The following CRYBG3 variants were observed in gnomAD, a reference collection of about 807,000 sequenced individuals.
The protein encoded by CRYBG3 is very large A-kinase anchor protein.
A neutral mutation model predicts 244.2 loss-of-function variants in CRYBG3; 127 were observed. The observed-to-expected ratio is 0.52, with a 90% CI of 0.45 to 0.60. The LOEUF is 0.60. Ranked by LOEUF, CRYBG3 falls within the 20% of genes least tolerant of loss-of-function variation. The pLI is 0.00. For synonymous variants in CRYBG3, 1,132 were observed against 1,195.8 expected, an observed-to-expected ratio of 0.95 and a Z score of 1.10; for missense variants, 3,325 against 3,442.5, an observed-to-expected ratio of 0.97 and a Z score of 0.85.
Position 97,843,054 on chromosome 3 carries a change from A to G in CRYBG3, c.150-141A>G, listed in dbSNP as rs566830740. The G allele has an allele frequency of 9.5e-5, 51 of 539,254 alleles. 1 individual carries two copies. Among genetic ancestry groups the G allele is most frequent in the Admixed American group, 5.9e-4 (18 of 30,730 alleles). The allele number at this position is 539,254 out of a possible 1,614,324, so 33.4% of individuals were successfully genotyped here. A position where few individuals can be genotyped will look rare whatever the true frequency, so the allele number is the denominator to read the frequency against. On this transcript the variant is annotated intron_variant, in intron 1 of 21. Transcript: ENST00000389622. ...TTTTTGAATTTAGAGATTCAAATCA[A>G]TATATCCTTGGTATAACATGGTGTA... is the stretch of plus-strand genomic sequence containing the variant.
At chr3:97,844,496 T>G (rs939863953) in intron 2 of CRYBG3, among the ~76,000 whole-genome samples, 3 of 152,212 alleles carry the variant, frequency 2.0e-5, no homozygotes, top group African/African-American at 7.2e-5. Context: ...GGTTATCAGC[T>G]TTTGTCATTC....
intron 17 of CRYBG3, among the ~76,000 whole-genome samples, chr3:97,919,829 T>C (rs1442927356): frequency 6.6e-6 from 1 of 152,118 alleles, no homozygotes; most frequent in East Asian, 1.9e-4. Flanking sequence ...GGTACTCCAT[T>C]TTGCTTTGAT....
chr3:97,876,906 TGAA>T lies in CRYBG3; in HGVS notation c.5716_5718del (p.Glu1906del). 1 of 1,445,754 alleles carries T rather than the reference TGAA, an allele frequency of 6.9e-7. No individual in the cohort carries two copies. The highest frequency in any genetic ancestry group is 9.1e-7 in the Non-Finnish European group (1 of 1,099,096). 89.6% of individuals were successfully genotyped at this position (1,445,754 alleles called of 1,614,324 possible). A position where few individuals can be genotyped will look rare whatever the true frequency, so the allele number is the denominator to read the frequency against. On this transcript the variant is annotated inframe_deletion, in exon 4 of 22. Transcript: ENST00000389622. ...CACAAGAGTATGCTGAAGGGAGTGTTGAAGAAACAAAGGAAGAGCCTACAGAAA... is the reference window on the plus strand; with the variant it reads ...CACAAGAGTATGCTGAAGGGAGTGTTGAAACAAAGGAAGAGCCTACAGAAA...
chr3:97,880,021 CAAG>C lies in CRYBG3; in HGVS notation c.6929_6931del (p.Glu2310del), dbSNP rs1559731099. On this transcript the variant is annotated inframe_deletion, in exon 6 of 22. Coordinates refer to ENST00000389622, the MANE Select transcript of CRYBG3 (RefSeq NM_153605.4). ...TGATCTCCATGAAAGTACATATAAACAAGAAGTCTACTGTAATATTCCTGATGC... is the reference window on the plus strand; with the variant it reads ...TGATCTCCATGAAAGTACATATAAACAAGTCTACTGTAATATTCCTGATGC... 1 of 1,596,458 alleles carries C rather than the reference CAAG, an allele frequency of 6.3e-7. No individual in the cohort carries two copies. Among genetic ancestry groups the C allele is most frequent in the African/African-American group, 1.3e-5 (1 of 74,490 alleles).
At chr3:97,869,976 T>G (rs1033775119) in intron 3 of CRYBG3, among the ~76,000 whole-genome samples, 1 of 152,178 alleles carries the variant, frequency 6.6e-6, no homozygotes, top group Non-Finnish European at 1.5e-5. Flanking sequence ...GCTTTAAAGT[T>G]GGCAATAAAA....
At position 97,892,372 on chromosome 3, in the gene CRYBG3, G is replaced by A. The variant is rs557705463; in HGVS notation, c.7441-488G>A. 3.9e-5 allele frequency among the ~76,000 whole-genome samples: 6 copies of A among 152,126 alleles called. No individual in the cohort carries two copies. In the South Asian group the frequency reaches 1.0e-3, roughly 26 times the overall value. On this transcript the variant is annotated intron_variant, in intron 10 of 21. Transcript: ENST00000389622. ...GAATTTTTTCCTTTCAAATTGACGC[G>A]GATGGTCTGCCGATTCTTGCTTCAT...
In CRYBG3 at chr3:97,876,890, A is replaced by G; in HGVS notation, c.5696A>G (p.Tyr1899Cys). Residue 1899 changes from tyrosine to cysteine, a missense_variant, in exon 4 of 22, where the codon TAT (tyrosine) becomes TGT (cysteine). By Grantham distance (194) the Tyr-to-Cys change is radical. This residue lies in a region of CRYBG3 where 635 missense variants were observed against 771.7 expected (regional missense o/e 0.82). Coordinates refer to ENST00000389622, the MANE Select transcript of CRYBG3 (RefSeq NM_153605.4). ...PAFESKTPQE[Y>C]AEGSVEETKE... ...TTTGAAAGTAAAACACCACAAGAGTATGCTGAAGGGAGTGTTGAAGAAACA... is the reference window on the plus strand; with the variant it reads ...TTTGAAAGTAAAACACCACAAGAGTGTGCTGAAGGGAGTGTTGAAGAAACA... The G allele has an allele frequency of 7.0e-7, 1 of 1,430,878 alleles. No individual in the cohort carries two copies. The highest frequency in any genetic ancestry group is 9.2e-7 in the Non-Finnish European group (1 of 1,092,274). The allele number at this position is 1,430,878 out of a possible 1,614,324, so 88.6% of individuals were successfully genotyped here. A position where few individuals can be genotyped will look rare whatever the true frequency, so the allele number is the denominator to read the frequency against.
intron 1 of CRYBG3, among the ~76,000 whole-genome samples, chr3:97,830,971 G>T (rs369916419): frequency 1.2e-4 from 18 of 152,166 alleles, no homozygotes; most frequent in East Asian, 5.8e-4. Context: ...AAATTGCTAG[G>T]CTCCTGCCAA....
In CRYBG3 at chr3:97,866,861, G is replaced by T. The variant is rs190264565; in HGVS notation, c.647+2214G>T. Among the ~76,000 whole-genome samples, 6 of 152,232 alleles carry T rather than the reference G, an allele frequency of 3.9e-5. No individual in the cohort carries two copies. The East Asian group carries it at 1.2e-3, about 29-fold the overall frequency. On this transcript the variant is annotated intron_variant, in intron 3 of 21. Coordinates refer to ENST00000389622, the MANE Select transcript of CRYBG3 (RefSeq NM_153605.4). ...TCCAAAGTCTCCTCAACAAATAATG[G>T]TGGTTCTTGATTTAGGAGGAAAGGA...
At chr3:97,903,235 T>C (rs2039725013) in intron 15 of CRYBG3, among the ~76,000 whole-genome samples, 1 of 152,200 alleles carries the variant, frequency 6.6e-6, no homozygotes, top group Admixed American at 6.6e-5. Flanking sequence ...TTGTTGCTAC[T>C]GTTTTCATGT....
rs1380006023 is a variant in CRYBG3, at chr3:97,873,087, A to G, written c.1893A>G (p.Gln631=). The G allele has an allele frequency of 7.8e-6, 12 of 1,534,880 alleles. No homozygotes were observed. The African/African-American group carries it at 8.2e-5, about 11-fold the overall frequency. Residue 631 remains glutamine (Q), a synonymous_variant, in exon 4 of 22, where the codon CAA becomes CAG. Coordinates refer to ENST00000389622, the MANE Select transcript of CRYBG3 (RefSeq NM_153605.4). The part of the protein sequence containing the change: ...SETPLDSESP[Q]QAEVSPDAKT... Reference sequence around the variant, plus strand: ...CTCCTCTTGACTCTGAGAGTCCTCAACAAGCTGAAGTATCACCTGATGCTA... The same window carrying G: ...CTCCTCTTGACTCTGAGAGTCCTCAGCAAGCTGAAGTATCACCTGATGCTA...
intron 8 of CRYBG3, among the ~76,000 whole-genome samples, chr3:97,887,018 G>A (rs1576544821): frequency 6.6e-6 from 1 of 152,276 alleles, no homozygotes; most frequent in East Asian, 1.9e-4. Flanking sequence ...CAAATTCTGT[G>A]ATTGAGAAAT....
intron 15 of CRYBG3, among the ~76,000 whole-genome samples, chr3:97,901,933 G>A (rs1001518778): frequency 2.6e-5 from 4 of 152,096 alleles, no homozygotes; most frequent in Admixed American, 1.3e-4. Context: ...ATTTCTGACA[G>A]GTATATGATA....
In CRYBG3 at chr3:97,876,982, A is replaced by G; in HGVS notation, c.5788A>G (p.Arg1930Gly). The G allele has an allele frequency of 6.6e-7, 1 of 1,516,498 alleles. No individual in the cohort carries two copies. The highest frequency in any genetic ancestry group is 8.8e-7 in the Non-Finnish European group (1 of 1,135,864). The allele number at this position is 1,516,498 out of a possible 1,614,324, so 93.9% of individuals were successfully genotyped here. The change falls in exon 4 of 22, where the codon AGG (arginine) becomes GGG (glycine). Residue 1930 changes from arginine to glycine, a missense_variant. Arg to Gly is a moderately radical substitution (Grantham distance 125). This residue lies in a region of CRYBG3 where 450 missense variants were observed against 424.1 expected (regional missense o/e 1.06). Coordinates refer to ENST00000389622, the MANE Select transcript of CRYBG3 (RefSeq NM_153605.4). Reference protein sequence around the residue: ...AHENRLPTYFRGYESPTLSKD... With the variant: ...AHENRLPTYFGGYESPTLSKD... Reference sequence around the variant, plus strand: ...TGAAAATAGACTTCCTACATATTTCAGGGGATATGAATCCCCTACATTAAG... The same window carrying G: ...TGAAAATAGACTTCCTACATATTTCGGGGGATATGAATCCCCTACATTAAG...
At chr3:97,917,529 G>T (rs1177985651) in intron 17 of CRYBG3, among the ~76,000 whole-genome samples, 1 of 152,108 alleles carries the variant, frequency 6.6e-6, no homozygotes, top group Non-Finnish European at 1.5e-5. Context: ...ACATGAGGGA[G>T]TTTGGATATC....
chr3:97,884,797 C>CAA (rs2039488521), intron 7 of CRYBG3, among the ~76,000 whole-genome samples: 1 of 152,222 alleles, frequency 6.6e-6, no homozygotes, highest in South Asian at 2.1e-4. Context: ...AAGATAACAG[C>CAA]AAACATATGC....
At chr3:97,936,714 T>C (rs1020647161) in intron 18 of CRYBG3, 71 bp from the exon 19 acceptor site, 23 of 1,521,322 alleles carry the variant, frequency 1.5e-5, no homozygotes, top group Non-Finnish European at 1.9e-5. Flanking sequence ...TAAGGCAAAG[T>C]GCAGATACTT....
intron 19 of CRYBG3, among the ~76,000 whole-genome samples, chr3:97,937,123 T>C (rs932624396): frequency 5.3e-5 from 8 of 152,086 alleles, no homozygotes; most frequent in African/African-American, 1.9e-4. Flanking sequence ...CAAAGCCTCA[T>C]TGGCCATGTT....
intron 15 of CRYBG3, 57 bp from the exon 16 acceptor site, chr3:97,912,110 C>G (rs534490184): frequency 1.3e-4 from 101 of 807,076 alleles, no homozygotes; most frequent in Middle Eastern, 1.2e-3. Context: ...TTTATTTGCT[C>G]GTGATCATCT....
Sources: gnomAD v4.1 joint callset for allele counts (sites outside exome capture counted in the v4.1 genomes callset) on GRCh38, gnomAD v4.1.1 for gene constraint, gnomAD v4.1.1 regional missense constraint, MANE v1.5 for transcripts, NCBI Gene and HGNC (gene_info 2026-07-23, HGNC 2026-07-21) for gene names.